Variants in ZFHX3 observed in about 807,000 individuals in gnomAD.
The protein encoded by ZFHX3 is zinc finger homeobox 3.
A neutral mutation model predicts 279.1 loss-of-function variants in ZFHX3; 42 were observed. That is an observed-to-expected ratio of 0.15 (90% confidence interval 0.12 to 0.19). ZFHX3 has a LOEUF of 0.19. ZFHX3 is among the 10% of genes least tolerant of loss of function. ZFHX3 has a pLI of 1.00. For missense variants in ZFHX3, 4,981 were observed against 4,754.0 expected (o/e 1.05, Z -1.40); for synonymous variants, 2,293 against 1,957.8 (o/e 1.17, Z -4.52).
intron 3 of ZFHX3, among the ~76,000 whole-genome samples, chr16:72,936,017 G>A (rs1353344731): frequency 6.6e-6 from 1 of 152,190 alleles, no homozygotes; most frequent in Non-Finnish European, 1.5e-5. Flanking sequence ...ACTCACGGGT[G>A]GCCAGCAGCA....
intron 3 of ZFHX3, among the ~76,000 whole-genome samples, chr16:72,893,705 T>C (rs1238578385): frequency 6.6e-6 from 1 of 152,146 alleles, no homozygotes; most frequent in Non-Finnish European, 1.5e-5. Flanking sequence ...GAGAAAAGAA[T>C]AAGAGGAAAC....
intron 1 of ZFHX3, among the ~76,000 whole-genome samples, chr16:73,043,027 C>A (rs988504126): frequency 5.9e-5 from 9 of 151,986 alleles, no homozygotes; most frequent in Non-Finnish European, 8.8e-5. Flanking sequence ...TGGCTTCATC[C>A]CAAACCACCA....
chr16:73,743,555 A>G (rs74028449), intron 1 of ZFHX3, among the ~76,000 whole-genome samples: 5,604 of 152,296 alleles, frequency 0.037, 276 homozygotes, highest in African/African-American at 0.1. Context: ...TCCTCTAGAC[A>G]ATGCTGACAA....
intron 1 of ZFHX3, among the ~76,000 whole-genome samples, chr16:73,764,445 G>A (rs900593597): frequency 6.6e-6 from 1 of 152,128 alleles, no homozygotes; most frequent in African/African-American, 2.4e-5. Flanking sequence ...GACTGCAGAG[G>A]GGAGGGGGAA....
intron 2 of ZFHX3, among the ~76,000 whole-genome samples, chr16:73,675,926 A>G (rs564860752): frequency 6.6e-6 from 1 of 152,274 alleles, no homozygotes; most frequent in Admixed American, 6.5e-5. Context: ...TTTTGAGGGG[A>G]AATGGTACAA....
At chr16:72,855,345 G>C (rs893781068) in intron 4 of ZFHX3, among the ~76,000 whole-genome samples, 3 of 152,358 alleles carry the variant, frequency 2.0e-5, no homozygotes, top group Admixed American at 2.0e-4. Context: ...GTGTGTGTGT[G>C]AGAGCATGAG....
chr16:73,383,143 A>G (rs567371904), intron 3 of ZFHX3, among the ~76,000 whole-genome samples: 27 of 152,340 alleles, frequency 1.8e-4, no homozygotes, highest in African/African-American at 6.3e-4. Context: ...TGGGGACCCA[A>G]TGACTTAACT....
rs371442512 is a variant in ZFHX3 at position 72,793,498 on chromosome 16, T to G, written c.9184A>C (p.Lys3062Gln). The G allele has an allele frequency of 7.4e-6, 12 of 1,614,094 alleles. No individual in the cohort carries two copies. The highest frequency in any genetic ancestry group is 1.0e-5 in the Non-Finnish European group (12 of 1,180,034). The part of the protein sequence containing the change: ...VKDTIGSQLD[K>Q]EKEYFDPATV... ...GCTGGGTCAAAGTATTCTTTCTCCTTGTCCAGCTGGCTTCCAATGGTGTCT... is the reference window on the plus strand; with the variant it reads ...GCTGGGTCAAAGTATTCTTTCTCCTGGTCCAGCTGGCTTCCAATGGTGTCT... Residue 3062 changes from lysine to glutamine, a missense_variant, in exon 9 of 10, where the codon AAG (lysine) becomes CAG (glutamine). Physicochemically the swap from Lys to Gln is moderately conservative, Grantham distance 53. Around this residue, in one of 7 missense-constraint regions of ZFHX3, gnomAD observed 168 missense variants for 249.1 expected, o/e 0.67. Coordinates refer to ENST00000268489, the MANE Select transcript of ZFHX3 (RefSeq NM_006885.4). This position sits in a 1 kb window ranked among gnomAD's most constrained non-coding sequence, Gnocchi z 4.3.
At chr16:73,514,803 G>A (rs978602606) in intron 2 of ZFHX3, among the ~76,000 whole-genome samples, 5 of 152,072 alleles carry the variant, frequency 3.3e-5, no homozygotes, top group East Asian at 1.9e-4. Flanking sequence ...TGGGTGGGCC[G>A]CTGAGCTTGG....
chr16:73,509,655 G>T (rs1325815310), intron 2 of ZFHX3, among the ~76,000 whole-genome samples: 3 of 147,406 alleles, frequency 2.0e-5, no homozygotes, highest in African/African-American at 7.8e-5. Context: ...CTCCTGAGTA[G>T]CTGGGATTAT....
chr16:73,822,267 C>A (rs1960767313), intron 1 of ZFHX3, among the ~76,000 whole-genome samples: 1 of 152,122 alleles, frequency 6.6e-6, no homozygotes, highest in Admixed American at 6.6e-5. Flanking sequence ...TCTCCATTCA[C>A]CAAATCATCC....
chr16:73,512,090 C>T (rs1687678967), intron 2 of ZFHX3, among the ~76,000 whole-genome samples: 1 of 151,952 alleles, frequency 6.6e-6, no homozygotes, highest in African/African-American at 2.4e-5. Context: ...AGCTTACATG[C>T]TGCAGGAACA....
intron 5 of ZFHX3, among the ~76,000 whole-genome samples, chr16:73,231,078 G>A (rs1432655176): frequency 6.6e-6 from 1 of 152,194 alleles, no homozygotes; most frequent in African/African-American, 2.4e-5. Flanking sequence ...GGGGAGAGAT[G>A]AAAGGAGCCG....
At chr16:73,122,871 T>C (rs1567393859) in intron 7 of ZFHX3, among the ~76,000 whole-genome samples, 1 of 152,088 alleles carries the variant, frequency 6.6e-6, no homozygotes, top group African/African-American at 2.4e-5. Flanking sequence ...CTGGATGTGG[T>C]CGGCCGCTGG....
chr16:73,236,308 T>C (rs368357573), intron 5 of ZFHX3, among the ~76,000 whole-genome samples: 1 of 152,196 alleles, frequency 6.6e-6, no homozygotes, highest in Admixed American at 6.5e-5. Context: ...TTTAAGGTAG[T>C]GATCTCTGGC....
intron 7 of ZFHX3, among the ~76,000 whole-genome samples, chr16:72,803,224 C>T (rs912631015): frequency 2.0e-5 from 3 of 151,990 alleles, no homozygotes; most frequent in South Asian, 2.1e-4. Context: ...CCCAGTTACT[C>T]GGGAGGCTGA....
At chr16:73,185,284 T>C (rs751076157) in intron 5 of ZFHX3, among the ~76,000 whole-genome samples, 13 of 152,330 alleles carry the variant, frequency 8.5e-5, no homozygotes, top group Non-Finnish European at 1.8e-4. Context: ...TTATATGCAG[T>C]CTCTTTTAAA....
intron 1 of ZFHX3, among the ~76,000 whole-genome samples, chr16:73,773,796 AG>A (rs2054046872): frequency 6.6e-6 from 1 of 152,174 alleles, no homozygotes; most frequent in African/African-American, 2.4e-5. Flanking sequence ...GAAGGTTTAG[AG>A]CTCAGTACCA....
intron 4 of ZFHX3, among the ~76,000 whole-genome samples, chr16:73,266,154 C>A (rs976426132): frequency 2.6e-5 from 4 of 152,160 alleles, no homozygotes; most frequent in African/African-American, 9.6e-5. Flanking sequence ...CAAATGTAAC[C>A]TTTAGGTCCT....
Sources: gnomAD v4.1 joint callset for allele counts (sites outside exome capture counted in the v4.1 genomes callset) on GRCh38, gnomAD v4.1.1 for gene constraint, gnomAD v4.1.1 regional missense constraint, Gnocchi (gnomAD v3.1) non-coding constraint, MANE v1.5 for transcripts, NCBI Gene and HGNC (gene_info 2026-07-23, HGNC 2026-07-21) for gene names.